GRAMD4: variants seen among roughly 807,000 people sequenced by gnomAD.
The protein encoded by GRAMD4 is GRAM domain containing 4, also known as GRAM domain-containing protein 4.
Under a neutral mutation model 83.9 loss-of-function variants are expected in GRAMD4, and 25 were observed. The observed-to-expected ratio is 0.30, with a 90% CI of 0.22 to 0.42. GRAMD4 has a LOEUF of 0.42. Ranked by LOEUF, GRAMD4 falls within the 10% of genes least tolerant of loss-of-function variation. The pLI is 1.00. For missense variants in GRAMD4, 593 were observed against 788.7 expected (o/e 0.75, Z 2.97); for synonymous variants, 336 against 320.9 (o/e 1.05, Z -0.50).
intron 1 of GRAMD4, among the ~76,000 whole-genome samples, chr22:46,611,857 C>T (rs1055427213): frequency 7.3e-5 from 11 of 150,222 alleles, no homozygotes; most frequent in African/African-American, 2.4e-4. Context: ...ATTAGCCGGG[C>T]ATGGTGGGGG....
chr22:46,668,216 A>G (rs370876042), intron 11 of GRAMD4, 49 bp downstream of exon 11: 1 of 1,345,394 alleles, frequency 7.4e-7, no homozygotes, highest in East Asian at 2.3e-5. Flanking sequence ...AGCCATGGGC[A>G]CCAGCCAGGG....
upstream of GRAMD4, chr22:46,620,282 C>T: frequency 4.1e-6 from 4 of 984,972 alleles, no homozygotes; most frequent in Non-Finnish European, 4.8e-6. The surrounding 1 kb of genome is among the most constrained non-coding windows in gnomAD (Gnocchi z 4.7). Flanking sequence ...CAATTCCGTC[C>T]TGCTTGCAGA....
At chr22:46,681,449 T>C (rs2146529002), downstream of GRAMD4, among the ~76,000 whole-genome samples, 1 of 152,376 alleles carries the variant, frequency 6.6e-6, no homozygotes, top group Non-Finnish European at 1.5e-5. Context: ...TCCTTGGCAA[T>C]CGTGCATGTT....
At chr22:46,590,781 C>T (rs2081199387) in intron 1 of GRAMD4, among the ~76,000 whole-genome samples, 1 of 152,198 alleles carries the variant, frequency 6.6e-6, no homozygotes, top group Non-Finnish European at 1.5e-5. Flanking sequence ...CAGCCAGAGG[C>T]CGGGCACACT....
At chr22:46,591,782 A>T (rs2081210254) in intron 1 of GRAMD4, among the ~76,000 whole-genome samples, 1 of 147,648 alleles carries the variant, frequency 6.8e-6, no homozygotes, top group Non-Finnish European at 1.5e-5. Context: ...GCAGTGAGCC[A>T]AGATCAAGCC....
In GRAMD4 at chr22:46,678,549, A is replaced by T. The variant is rs927022932; in HGVS notation, c.*1298A>T. 238 of 985,194 alleles carry T rather than the reference A, an allele frequency of 2.4e-4. 1 individual carries two copies. In the African/African-American group the frequency reaches 3.7e-3, roughly 15 times the overall value. The allele number at this position is 985,194 out of a possible 1,614,324, so 61.0% of individuals were successfully genotyped here. ...TTGGGCCTCCTGGAAGGAGGTGGCC[A>T]CCCCGCGGGCCTGCGTGTCTGCTGG... is the stretch of plus-strand genomic sequence containing the variant. On this transcript the variant is annotated 3_prime_UTR_variant, in exon 19 of 19. Coordinates refer to ENST00000406902, the MANE Select transcript of GRAMD4 (RefSeq NM_015124.5).
intron 3 of GRAMD4, among the ~76,000 whole-genome samples, chr22:46,645,238 G>T (rs891688314): frequency 6.6e-6 from 1 of 152,040 alleles, no homozygotes; most frequent in Non-Finnish European, 1.5e-5. Context: ...GTTGGAGTTC[G>T]CCCAGCAGAA....
intron 1 of GRAMD4, among the ~76,000 whole-genome samples, chr22:46,578,870 G>A (rs978052063): frequency 2.6e-5 from 4 of 151,734 alleles, no homozygotes; most frequent in South Asian, 2.1e-4. Context: ...TTGTGGTCCC[G>A]GGGCAGACCT....
At chr22:46,578,372 G>T (rs1391220028) in intron 1 of GRAMD4, among the ~76,000 whole-genome samples, 1 of 152,146 alleles carries the variant, frequency 6.6e-6, no homozygotes, top group South Asian at 2.1e-4. Context: ...TCTGGGACTT[G>T]CCTCCCTCAC....
At chr22:46,680,547 C>CGTCT (rs1381384187), downstream of GRAMD4, among the ~76,000 whole-genome samples, 98 of 142,126 alleles carry the variant, frequency 6.9e-4, no homozygotes, top group Non-Finnish European at 1.3e-3. Context: ...CACATCTGTC[C>CGTCT]GTCCGTCCGT....
rs1487030558 is a variant in GRAMD4 at position 46,678,852 on chromosome 22, A to G, written c.*1601A>G. 1.0e-6 allele frequency: 1 copy of G among 986,042 alleles called. No individual in the cohort carries two copies. Among genetic ancestry groups the G allele is most frequent in the Non-Finnish European group, 1.2e-6 (1 of 830,030 alleles). The allele number at this position is 986,042 out of a possible 1,614,324, so 61.1% of individuals were successfully genotyped here. The stretch of plus-strand genomic sequence containing the variant: ...TGCTTTGGGGGGAGCTGCGCCGATC[A>G]CCAGATTAAGCACATGTCCTATCCC... On this transcript the variant is annotated 3_prime_UTR_variant, in exon 19 of 19. Transcript: ENST00000406902.
intron 1 of GRAMD4, among the ~76,000 whole-genome samples, chr22:46,586,820 CTGA>C (rs1029787433): frequency 4.6e-5 from 7 of 152,270 alleles, no homozygotes; most frequent in African/African-American, 1.7e-4. Flanking sequence ...TGCCCTGCAG[CTGA>C]TGAGGAGGGA....
intron 1 of GRAMD4, among the ~76,000 whole-genome samples, chr22:46,614,548 A>G (rs2081450373): frequency 6.6e-6 from 1 of 152,216 alleles, no homozygotes; most frequent in Non-Finnish European, 1.5e-5. Context: ...GTAAACGGAA[A>G]CAAAAACACC....
chr22:46,579,439 A>G (rs1008882821), intron 1 of GRAMD4, among the ~76,000 whole-genome samples: 1 of 152,188 alleles, frequency 6.6e-6, no homozygotes, highest in Non-Finnish European at 1.5e-5. Context: ...ATGAAAAGAA[A>G]GTGTTATTGG....
At chr22:46,665,438 G>A (rs2082393197) in intron 8 of GRAMD4, among the ~76,000 whole-genome samples, 177 bp from the exon 9 acceptor site, 2 of 152,200 alleles carry the variant, frequency 1.3e-5, no homozygotes, top group Non-Finnish European at 2.9e-5. Flanking sequence ...CTTAAACCGG[G>A]GAAGCAGCCC....
chr22:46,633,775 C>CCGAG (rs2081814020), intron 2 of GRAMD4, among the ~76,000 whole-genome samples: 1 of 152,198 alleles, frequency 6.6e-6, no homozygotes, highest in Non-Finnish European at 1.5e-5. Context: ...AGCAGGGTGT[C>CCGAG]CATGGGGTGT....
chr22:46,649,383 C>T (rs535058474), intron 3 of GRAMD4, among the ~76,000 whole-genome samples: 23 of 152,304 alleles, frequency 1.5e-4, no homozygotes, highest in African/African-American at 4.8e-4. Flanking sequence ...CTCCTGGCTC[C>T]GTGCTGGGCC....
chr22:46,644,879 C>CATTT (rs746572952), intron 3 of GRAMD4, among the ~76,000 whole-genome samples: 30 of 138,936 alleles, frequency 2.2e-4, no homozygotes, highest in Middle Eastern at 4.1e-3. Flanking sequence ...ACTATAGGCA[C>CATTT]ATTGCACTGC....
At chr22:46,662,450 C>T (rs988501169) in intron 5 of GRAMD4, among the ~76,000 whole-genome samples, 6 of 152,250 alleles carry the variant, frequency 3.9e-5, no homozygotes, top group Admixed American at 2.0e-4. Context: ...GGTTTCCCGC[C>T]GTGGAGGCTG....
Sources: allele counts gnomAD v4.1 joint callset (sites outside exome capture counted in the v4.1 genomes callset), GRCh38; gene constraint gnomAD v4.1.1; non-coding constraint Gnocchi (gnomAD v3.1); transcripts MANE v1.5; gene names NCBI Gene and HGNC (gene_info 2026-07-23, HGNC 2026-07-21).